The following MLIP variants were observed in gnomAD, a reference collection of about 807,000 sequenced individuals.
The protein encoded by MLIP is muscular LMNA-interacting protein.
In MLIP, 79 loss-of-function variants were observed where a neutral mutation model predicts 84.8. The ratio of observed to expected loss-of-function variants is 0.93; its 90% CI spans 0.78 to 1.12. The LOEUF is 1.12. Ranked by LOEUF, MLIP falls within the 50% of genes most tolerant of loss-of-function variation. The pLI, the probability that MLIP is intolerant of heterozygous loss-of-function variation, is 0.00. For synonymous variants in MLIP, 504 were observed against 463.0 expected, an observed-to-expected ratio of 1.09 and a Z score of -1.14; for missense variants, 1,257 against 1,160.6, an observed-to-expected ratio of 1.08 and a Z score of -1.21.
intron 13 of MLIP, among the ~76,000 whole-genome samples, chr6:54,265,116 C>G (rs1352278353): frequency 1.3e-5 from 2 of 151,976 alleles, no homozygotes; most frequent in Non-Finnish European, 2.9e-5. Flanking sequence ...CGGAAGGTTC[C>G]CATGTTAGTC....
intron 5 of MLIP, among the ~76,000 whole-genome samples, chr6:54,149,869 C>A (rs1180181043): frequency 1.3e-5 from 2 of 151,866 alleles, no homozygotes; most frequent in East Asian, 3.9e-4. Flanking sequence ...TAAATGAAAG[C>A]CAAGTAGAGG....
chr6:54,249,746 T>TATATACAC (rs71724053), intron 12 of MLIP, among the ~76,000 whole-genome samples: 4,542 of 150,328 alleles, frequency 0.03, 218 homozygotes, highest in African/African-American at 0.11. Flanking sequence ...TATATATATA[T>TATATACAC]ACACACACAC....
At chr6:54,185,851 G>T (rs1777338893) in intron 9 of MLIP, among the ~76,000 whole-genome samples, 1 of 152,070 alleles carries the variant, frequency 6.6e-6, no homozygotes, top group Non-Finnish European at 1.5e-5. Context: ...CCATTATGAG[G>T]TTAATAATGA....
intron 1 of MLIP, among the ~76,000 whole-genome samples, chr6:54,022,823 C>A (rs867316145): frequency 9.9e-5 from 15 of 152,094 alleles, no homozygotes; most frequent in South Asian, 4.2e-4. Context: ...CATAATATGT[C>A]TCAAGACAAT....
intron 1 of MLIP, among the ~76,000 whole-genome samples, chr6:54,040,029 T>C (rs979916208): frequency 2.8e-4 from 43 of 152,136 alleles, no homozygotes; most frequent in African/African-American, 1.0e-3. Context: ...GACATATTTT[T>C]GTGTTGAACA....
At chr6:54,110,197 A>G (rs1011730166), upstream of MLIP, among the ~76,000 whole-genome samples, 1 of 151,504 alleles carries the variant, frequency 6.6e-6, no homozygotes, top group African/African-American at 2.4e-5. Flanking sequence ...ATAAGCCAGA[A>G]TGGTCTCGAT....
At chr6:54,128,328 A>G (rs923656150) in intron 3 of MLIP, among the ~76,000 whole-genome samples, 16 of 152,104 alleles carry the variant, frequency 1.1e-4, no homozygotes, top group Admixed American at 7.9e-4. Flanking sequence ...GAATTTACTC[A>G]GGGAGAGAAG....
rs769646906 is a variant in MLIP at position 54,202,083 on chromosome 6, T to C, written c.2590-22T>C. On this transcript the variant is annotated intron_variant, in intron 10 of 13. Coordinates refer to ENST00000502396, the MANE Select transcript of MLIP (RefSeq NM_001281747.2). ...TAGTGTTTTTTTCCTGTTTTTAAAA[T>C]ATTTATTTTACATTCATGAAGACTA... is the stretch of plus-strand genomic sequence containing the variant. The C allele has an allele frequency of 3.4e-6, 5 of 1,474,786 alleles. No homozygotes were observed. In the South Asian group the frequency reaches 6.2e-5, roughly 18 times the overall value. 91.4% of individuals were successfully genotyped at this position (1,474,786 alleles called of 1,614,324 possible). A position where few individuals can be genotyped will look rare whatever the true frequency, so the allele number is the denominator to read the frequency against.
intron 1 of MLIP, among the ~76,000 whole-genome samples, chr6:54,020,812 C>T (rs779626939): frequency 9.2e-5 from 14 of 152,128 alleles, no homozygotes; most frequent in Middle Eastern, 3.4e-3. Context: ...CCAAAGATTG[C>T]GGGGAAATAT....
Position 54,138,167 on chromosome 6 carries a change from C to A in MLIP, c.2098C>A (p.Pro700Thr), listed in dbSNP as rs1771984272. 1 of 1,535,992 alleles carries A rather than the reference C, an allele frequency of 6.5e-7. No homozygotes were observed. Among genetic ancestry groups the A allele is most frequent in the African/African-American group, 1.4e-5 (1 of 73,040 alleles). Residue 700 changes from proline (P) to threonine (T), a missense_variant, in exon 4 of 14, where the codon CCC becomes ACC. Pro to Thr is a conservative substitution (Grantham distance 38). Coordinates refer to ENST00000502396, the MANE Select transcript of MLIP (RefSeq NM_001281747.2). ...ACTTGGGAAATCTGAAAGCACCACC[C>A]CCAACCACAGGTCACCTGTTTCAAC... ...SRLGKSESTT[P>T]NHRSPVSTPS...
chr6:54,227,636 T>C (rs1403817328), intron 11 of MLIP, among the ~76,000 whole-genome samples: 1 of 152,172 alleles, frequency 6.6e-6, no homozygotes, highest in Non-Finnish European at 1.5e-5. Context: ...GAAATCAAAA[T>C]GGCTGGGCTT....
chr6:54,217,047 GAAAATAAATGCTGCATTTA>G (rs1779903075), intron 11 of MLIP: 1 of 985,294 alleles, frequency 1.0e-6, no homozygotes, highest in Non-Finnish European at 1.2e-6. Context: ...AAGGAAAGCT[GAAAATAAATGCTGCATTTA>G]AAAATAAATG....
intron 1 of MLIP, among the ~76,000 whole-genome samples, chr6:54,120,812 T>C (rs1770386799): frequency 6.6e-6 from 1 of 152,090 alleles, no homozygotes; most frequent in South Asian, 2.1e-4. Flanking sequence ...TTATCTTTTT[T>C]CTGCTTGTGA....
chr6:54,257,431 T>C, intron 13 of MLIP, 70 bp downstream of exon 13: 1 of 1,198,806 alleles, frequency 8.3e-7, no homozygotes, highest in Non-Finnish European at 1.2e-6. Flanking sequence ...ACCAATCTTA[T>C]TTTTTTAATG....
At chr6:54,030,593 A>G (rs919222517) in intron 1 of MLIP, 39 of 151,490 alleles carry the variant, frequency 2.6e-4, no homozygotes, top group African/African-American at 8.7e-4. Flanking sequence ...TTTTCTGTTC[A>G]GGGTATCATA....
chr6:54,184,028 A>T (rs1409370435), intron 9 of MLIP, among the ~76,000 whole-genome samples: 1 of 152,134 alleles, frequency 6.6e-6, no homozygotes, highest in African/African-American at 2.4e-5. Flanking sequence ...TTATCATTTT[A>T]TAATTTTATA....
intron 11 of MLIP, chr6:54,218,113 C>T: frequency 4.8e-6 from 2 of 419,148 alleles, no homozygotes; most frequent in Non-Finnish European, 6.4e-6. Context: ...TTATGTGTCA[C>T]TTAAGAATGG....
At chr6:54,258,898 C>T (rs1452580955) in intron 13 of MLIP, among the ~76,000 whole-genome samples, 2 of 151,890 alleles carry the variant, frequency 1.3e-5, no homozygotes, top group Non-Finnish European at 2.9e-5. Context: ...CTATTATTCT[C>T]TGTCTGGTAT....
intron 1 of MLIP, among the ~76,000 whole-genome samples, chr6:54,026,975 A>G (rs960279299): frequency 6.6e-6 from 1 of 152,214 alleles, no homozygotes; most frequent in African/African-American, 2.4e-5. Context: ...TTATACATCT[A>G]TCAAAAGTGC....
Sources: gnomAD v4.1 joint callset for allele counts (sites outside exome capture counted in the v4.1 genomes callset) on GRCh38, gnomAD v4.1.1 for gene constraint, MANE v1.5 for transcripts, NCBI Gene and HGNC (gene_info 2026-07-23, HGNC 2026-07-21) for gene names.